PCDHA3: variants seen among roughly 807,000 people sequenced by gnomAD.
PCDHA3 encodes protocadherin alpha-3.
In PCDHA3, 41 loss-of-function variants were observed where a neutral mutation model predicts 62.2. The ratio of observed to expected loss-of-function variants is 0.66; its 90% CI spans 0.51 to 0.86. The LOEUF (loss-of-function observed/expected upper bound fraction) is 0.86, where lower values mean the gene tolerates loss of function less well. PCDHA3 is among the 40% of genes least tolerant of loss of function. PCDHA3 has a pLI of 0.00. For synonymous variants in PCDHA3, 640 were observed against 555.4 expected (o/e 1.15, Z -2.14); for missense variants, 1,304 against 1,241.2 (o/e 1.05, Z -0.76).
At chr5:140,829,703 C>T (rs1770501919) in intron 1 of PCDHA3, 1 of 1,613,284 alleles carries the variant, frequency 6.2e-7, no homozygotes, top group Non-Finnish European at 8.5e-7. Flanking sequence ...GGTGAGCGCG[C>T]GCGACGCGGG....
intron 1 of PCDHA3, among the ~76,000 whole-genome samples, chr5:140,879,121 G>C (rs148259888): frequency 6.6e-6 from 1 of 152,330 alleles, no homozygotes; most frequent in Non-Finnish European, 1.5e-5. Context: ...TGAAGGATTA[G>C]AGCAGGGGAG....
At chr5:140,882,175 G>A in intron 1 of PCDHA3, 1 of 1,515,150 alleles carries the variant, frequency 6.6e-7, no homozygotes. Flanking sequence ...GAATCCTTCC[G>A]CACTAGGAAG....
intron 1 of PCDHA3, chr5:140,967,776 C>T: frequency 1.2e-6 from 2 of 1,614,148 alleles, no homozygotes; most frequent in East Asian, 2.2e-5. Flanking sequence ...TATGTGCAGG[C>T]GACTGACCGG....
intron 1 of PCDHA3, among the ~76,000 whole-genome samples, chr5:140,839,341 G>T (rs1301082708): frequency 6.6e-6 from 1 of 150,686 alleles, no homozygotes; most frequent in African/African-American, 2.5e-5. Context: ...AGTTGATAGG[G>T]GATCCTCCTT....
At position 140,809,418 on chromosome 5, in the gene PCDHA3, C is replaced by T. The variant is rs1554125201; in HGVS notation, c.2394+5827C>T. Reference sequence around the variant, plus strand: ...AAGCCCACGCTGGTGTGCTCCAGTGCGGTGGGGAGCTGGTCATACTCGCAG... The same window carrying T: ...AAGCCCACGCTGGTGTGCTCCAGTGTGGTGGGGAGCTGGTCATACTCGCAG... On this transcript the variant is annotated intron_variant, in intron 1 of 3. Coordinates refer to ENST00000522353, the MANE Select transcript of PCDHA3 (RefSeq NM_018906.3). The T allele has an allele frequency of 1.9e-6, 3 of 1,614,188 alleles. No homozygotes were observed. Among genetic ancestry groups the T allele is most frequent in the Non-Finnish European group, 2.5e-6 (3 of 1,180,014 alleles).
At chr5:140,948,321 T>C (rs922752818) in intron 1 of PCDHA3, among the ~76,000 whole-genome samples, 7 of 151,748 alleles carry the variant, frequency 4.6e-5, no homozygotes, top group South Asian at 4.1e-4. Flanking sequence ...AGGGGTAATG[T>C]TTTCATTAGG....
At chr5:140,906,502 CAAAG>C (rs1295778527) in intron 1 of PCDHA3, among the ~76,000 whole-genome samples, 1 of 152,180 alleles carries the variant, frequency 6.6e-6, no homozygotes, top group African/African-American at 2.4e-5. Context: ...ATGTTTTTAA[CAAAG>C]AAGGAGGAAA....
In PCDHA3 at chr5:140,803,487, T is replaced by G. The variant is rs1562194564; in HGVS notation, c.2290T>G (p.Leu764Val). The change falls in exon 1 of 4, where the codon TTG (leucine) becomes GTG (valine). Residue 764 changes from leucine to valine, a missense_variant. Physicochemically the swap from Leu to Val is conservative, Grantham distance 32. Coordinates refer to ENST00000522353, the MANE Select transcript of PCDHA3 (RefSeq NM_018906.3). The part of the protein sequence containing the change: ...RQQRVCSGEG[L>V]PKTDLMAFSP... ...GCAGAGGGTGTGCTCTGGAGAGGGG[T>G]TGCCCAAGACCGACCTCATGGCTTT... The G allele has an allele frequency of 1.2e-6, 2 of 1,614,116 alleles. No homozygotes were observed. The highest frequency in any genetic ancestry group is 1.7e-6 in the Non-Finnish European group (2 of 1,179,996).
intron 1 of PCDHA3, among the ~76,000 whole-genome samples, chr5:140,944,308 C>T (rs1385219466): frequency 6.6e-6 from 1 of 152,138 alleles, no homozygotes; most frequent in Non-Finnish European, 1.5e-5. Context: ...CTACCTCAGC[C>T]TCCTGAGTAG....
chr5:140,848,947 G>T lies in PCDHA3; in HGVS notation c.2394+45356G>T, dbSNP rs201305186. ...GCGGAATCCAGGCCGCTTGACTCTC[G>T]GTTTCCACTAGAGGGCGCGTCCGAT... is the stretch of plus-strand genomic sequence containing the variant. On this transcript the variant is annotated intron_variant, in intron 1 of 3. Coordinates refer to ENST00000522353, the MANE Select transcript of PCDHA3 (RefSeq NM_018906.3). 2.7e-4 allele frequency: 426 copies of T among 1,606,834 alleles called. 2 individuals are homozygous for T. The highest frequency in any genetic ancestry group is 3.5e-4 in the Non-Finnish European group (408 of 1,176,678).
At chr5:140,823,262 G>A in intron 1 of PCDHA3, 4 of 1,612,940 alleles carry the variant, frequency 2.5e-6, no homozygotes, top group Non-Finnish European at 3.4e-6. Context: ...CTGGTGGAGC[G>A]GCGGGTGGGC....
chr5:141,003,588 T>C (rs558863784), intron 3 of PCDHA3, among the ~76,000 whole-genome samples: 65 of 152,252 alleles, frequency 4.3e-4, no homozygotes, highest in African/African-American at 1.3e-3. Context: ...GCTGGGATTT[T>C]AGATGTGAGC....
chr5:140,874,545 A>G (rs1362898895), intron 1 of PCDHA3, among the ~76,000 whole-genome samples: 1 of 152,240 alleles, frequency 6.6e-6, no homozygotes, highest in Non-Finnish European at 1.5e-5. Context: ...AAAACCCTTT[A>G]AGAGATCTTT....
At chr5:141,009,584 AT>A in intron 3 of PCDHA3, 42 bp from the exon 4 acceptor site, 1 of 1,592,004 alleles carries the variant, frequency 6.3e-7, no homozygotes, top group Non-Finnish European at 8.6e-7. Flanking sequence ...CATCAAGAGC[AT>A]GTGTTGACCC....
intron 1 of PCDHA3, chr5:140,870,549 C>T: frequency 2.5e-6 from 4 of 1,614,062 alleles, no homozygotes; most frequent in Non-Finnish European, 3.4e-6. Context: ...GGGACGCGGA[C>T]GCGCAGGAGA....
intron 1 of PCDHA3, among the ~76,000 whole-genome samples, chr5:140,918,383 C>A (rs1227959801): frequency 4.6e-5 from 7 of 152,124 alleles, no homozygotes. Flanking sequence ...CCTTTTATTT[C>A]TTTCTCTTGC....
rs2150360711 is a variant in PCDHA3, at chr5:140,843,464, C to A, written c.2394+39873C>A. ...GGTATCCAGCCTGCTGGTGCTCACG[C>A]TGCTGCTGTACACTGCGCTGCGGTG... On this transcript the variant is annotated intron_variant, in intron 1 of 3. Transcript: ENST00000522353. The A allele has an allele frequency of 1.4e-5, 22 of 1,595,942 alleles. 2 individuals are homozygous for A. In the African/African-American group the frequency reaches 3.0e-4, roughly 21 times the overall value.
chr5:140,836,378 G>C (rs2150259168), intron 1 of PCDHA3: 13 of 1,613,632 alleles, frequency 8.1e-6, no homozygotes, highest in Non-Finnish European at 1.1e-5. Flanking sequence ...CAGCCACCGT[G>C]CTGGTGTCGC....
chr5:140,888,210 T>G (rs1395913579), intron 1 of PCDHA3, among the ~76,000 whole-genome samples: 1 of 152,080 alleles, frequency 6.6e-6, no homozygotes, highest in East Asian at 1.9e-4. Context: ...ATGCTGGATT[T>G]TGTGTGTGTG....
Sources: gnomAD v4.1 joint callset for allele counts (sites outside exome capture counted in the v4.1 genomes callset) on GRCh38, gnomAD v4.1.1 for gene constraint, MANE v1.5 for transcripts, NCBI Gene and HGNC (gene_info 2026-07-23, HGNC 2026-07-21) for gene names.